Variants in PATJ observed in about 807,000 individuals in gnomAD.
PATJ encodes inaD-like protein.
PATJ carries 190 observed loss-of-function variants against 224.9 expected under a neutral mutation model. The ratio of observed to expected loss-of-function variants is 0.84; its 90% CI spans 0.75 to 0.95. The LOEUF (loss-of-function observed/expected upper bound fraction) is 0.95, where lower values mean the gene tolerates loss of function less well. Ranked by LOEUF, PATJ falls within the 40% of genes least tolerant of loss-of-function variation. PATJ has a pLI of 0.00. For synonymous variants in PATJ, 769 were observed against 820.3 expected, an observed-to-expected ratio of 0.94 and a Z score of 1.07; for missense variants, 2,121 against 2,270.3, an observed-to-expected ratio of 0.93 and a Z score of 1.34.
intron 12 of PATJ, 24 bp downstream of exon 12, chr1:61,801,793 C>T (rs1325477816): frequency 1.4e-5 from 20 of 1,465,014 alleles, no homozygotes; most frequent in East Asian, 2.3e-5. Flanking sequence ...ATTCACTTTG[C>T]GATAACAGAC....
At chr1:61,798,852 C>G (rs1005555642) in intron 11 of PATJ, among the ~76,000 whole-genome samples, 1 of 151,938 alleles carries the variant, frequency 6.6e-6, no homozygotes, top group African/African-American at 2.4e-5. Flanking sequence ...CCACTGCCTG[C>G]CGGCCTGCGT....
chr1:62,151,214 A>G (rs72677983), intron 42 of PATJ, among the ~76,000 whole-genome samples: 6,107 of 152,326 alleles, frequency 0.04, 139 homozygotes, highest in Non-Finnish European at 0.046. Flanking sequence ...AGCAGTAACT[A>G]TGGATGTCTG....
At chr1:61,822,923 A>G in intron 14 of PATJ, 22 bp from the exon 15 acceptor site, 1 of 1,613,696 alleles carries the variant, frequency 6.2e-7, no homozygotes. Context: ...ATGTTTGATC[A>G]TTGCTTTGTG....
At chr1:61,928,460 C>T (rs1388659781) in intron 27 of PATJ, among the ~76,000 whole-genome samples, 1 of 152,126 alleles carries the variant, frequency 6.6e-6, no homozygotes, top group East Asian at 1.9e-4. Context: ...ATATTAAAAT[C>T]ACTGACTTAT....
intron 30 of PATJ, among the ~76,000 whole-genome samples, chr1:62,046,212 GAAGGAAGGAAGGA>G (rs1652521832): frequency 8.3e-6 from 1 of 121,116 alleles, no homozygotes; most frequent in Non-Finnish European, 1.6e-5. Flanking sequence ...AAAAAGAAAG[GAAGGAAGGAAGGA>G]AAGGAAGGAA....
chr1:61,907,265 C>A (rs979375870), intron 24 of PATJ, among the ~76,000 whole-genome samples: 1 of 152,184 alleles, frequency 6.6e-6, no homozygotes, highest in Non-Finnish European at 1.5e-5. Context: ...CTGTGCCAAA[C>A]CCCTTATGCC....
At chr1:62,069,009 A>G (rs901933212) in intron 31 of PATJ, among the ~76,000 whole-genome samples, 4 of 152,244 alleles carry the variant, frequency 2.6e-5, no homozygotes, top group Non-Finnish European at 5.9e-5. Context: ...AGCAAATTAT[A>G]AATTCATGTT....
intron 31 of PATJ, among the ~76,000 whole-genome samples, chr1:62,061,691 A>T (rs2498978): frequency 6.7e-6 from 1 of 149,978 alleles, no homozygotes; most frequent in Non-Finnish European, 1.5e-5. Flanking sequence ...ATGGAGTCTC[A>T]CTCTGTGGCC....
chr1:61,779,965 C>T (rs111830759), intron 7 of PATJ, among the ~76,000 whole-genome samples: 5 of 151,988 alleles, frequency 3.3e-5, no homozygotes, highest in Admixed American at 1.3e-4. Flanking sequence ...ACTAAGTAAA[C>T]GCACTGCAGA....
intron 10 of PATJ, among the ~76,000 whole-genome samples, chr1:61,796,542 A>C (rs1651143386): frequency 1.3e-5 from 2 of 152,160 alleles, no homozygotes; most frequent in Admixed American, 6.6e-5. Context: ...TATATCTCTC[A>C]GGCTATTAGT....
At chr1:61,785,710 G>C (rs1388713762) in intron 7 of PATJ, among the ~76,000 whole-genome samples, 1 of 152,034 alleles carries the variant, frequency 6.6e-6, no homozygotes, top group African/African-American at 2.4e-5. Flanking sequence ...GTAAAAATTA[G>C]CTGTTTCAAA....
At chr1:61,774,825 T>C (rs1204386185) in intron 6 of PATJ, among the ~76,000 whole-genome samples, 2 of 152,190 alleles carry the variant, frequency 1.3e-5, no homozygotes, top group Non-Finnish European at 2.9e-5. Flanking sequence ...ATCTTTATAA[T>C]ATTTTGTGAT....
intron 42 of PATJ, among the ~76,000 whole-genome samples, chr1:62,151,640 G>A (rs981946843): frequency 1.3e-5 from 2 of 152,158 alleles, no homozygotes; most frequent in Non-Finnish European, 2.9e-5. Flanking sequence ...AGAGAGGGAA[G>A]AATATTCTAG....
intron 26 of PATJ, among the ~76,000 whole-genome samples, chr1:61,916,392 C>T (rs970916540): frequency 6.6e-6 from 1 of 152,004 alleles, no homozygotes; most frequent in Admixed American, 6.6e-5. Flanking sequence ...ATTTTCTATA[C>T]ATATAATAAA....
chr1:62,112,473 T>C (rs559753708), intron 34 of PATJ, among the ~76,000 whole-genome samples: 9 of 152,084 alleles, frequency 5.9e-5, no homozygotes, highest in African/African-American at 2.2e-4. Flanking sequence ...ACCACTATAC[T>C]CCAGCCTGGG....
At chr1:62,133,108 T>C (rs566368798) in intron 41 of PATJ, among the ~76,000 whole-genome samples, 41 of 151,866 alleles carry the variant, frequency 2.7e-4, no homozygotes, top group African/African-American at 9.2e-4. Context: ...AGGGAGTCAG[T>C]GGACACCAAG....
At chr1:61,954,354 GCCT>G in intron 27 of PATJ, among the ~76,000 whole-genome samples, 1 of 152,068 alleles carries the variant, frequency 6.6e-6, no homozygotes. Flanking sequence ...AAAGGATGAG[GCCT>G]CGGTCTGTAG....
intron 30 of PATJ, among the ~76,000 whole-genome samples, chr1:62,041,281 G>A (rs980951878): frequency 6.6e-6 from 1 of 152,162 alleles, no homozygotes; most frequent in Non-Finnish European, 1.5e-5. Flanking sequence ...CCTGCTTTTA[G>A]ACAAATAGAG....
In PATJ at chr1:62,144,777, AAT is replaced by A. The variant is rs1553280095; in HGVS notation, c.5272-3489_5272-3488del. Among the ~76,000 whole-genome samples, 254 of 119,098 alleles carry A rather than the reference AAT, an allele frequency of 2.1e-3. 14 individuals are homozygous for A. The highest frequency in any genetic ancestry group is 6.5e-3 in the African/African-American group (190 of 29,316). The allele number at this position is 119,098 out of a possible 152,430, so 78.1% of individuals were successfully genotyped here. A position where few individuals can be genotyped will look rare whatever the true frequency, so the allele number is the denominator to read the frequency against. ...TAGAATGTTATTTGCAAAAAAAAAAAATATATATATATATATATAATTAGCAG... is the reference window on the plus strand; with the variant it reads ...TAGAATGTTATTTGCAAAAAAAAAAAATATATATATATATATAATTAGCAG... On this transcript the variant is annotated intron_variant, in intron 41 of 43. Coordinates refer to ENST00000642238, the MANE Select transcript of PATJ (RefSeq NM_001350145.3).
Sources: allele counts gnomAD v4.1 joint callset (sites outside exome capture counted in the v4.1 genomes callset), GRCh38; gene constraint gnomAD v4.1.1; transcripts MANE v1.5; gene names NCBI Gene and HGNC (gene_info 2026-07-23, HGNC 2026-07-21).